Variants in EIF2AK4 observed in about 807,000 individuals in gnomAD.
EIF2AK4 encodes the protein eukaryotic translation initiation factor 2 alpha kinase 4.
A neutral mutation model predicts 211.1 loss-of-function variants in EIF2AK4; 139 were observed. The observed-to-expected ratio is 0.66, with a 90% CI of 0.57 to 0.76. EIF2AK4 has a LOEUF of 0.76. Among genes scored for constraint, EIF2AK4 ranks in the 30% least tolerant of loss-of-function variants. EIF2AK4 has a pLI of 0.00. For synonymous variants in EIF2AK4, 710 were observed against 751.3 expected (o/e 0.94, Z 0.90); for missense variants, 1,664 against 2,043.8 (o/e 0.81, Z 3.58).
At chr15:40,027,765 C>T (rs1049485791) in intron 33 of EIF2AK4, among the ~76,000 whole-genome samples, 2 of 152,018 alleles carry the variant, frequency 1.3e-5, no homozygotes, top group East Asian at 1.9e-4. Flanking sequence ...GTGGCGGGCA[C>T]CTGTAGTCCC....
chr15:39,993,030 GTCCATCCA>G lies in EIF2AK4; in HGVS notation c.2766+220_2766+227del, dbSNP rs1199022740. Among the ~76,000 whole-genome samples the G allele has an allele frequency of 3.5e-3, 520 of 146,678 alleles. 1 individual carries two copies. The highest frequency in any genetic ancestry group is 5.5e-3 in the Non-Finnish European group (369 of 66,586). On this transcript the variant is annotated intron_variant, in intron 18 of 38. Transcript: ENST00000263791. The stretch of plus-strand genomic sequence containing the variant: ...GCACTGCTGCTGCCAGGAGCTTACA[GTCCATCCA>G]TCCATCCATCCATCCATCCATCCAT...
At position 39,990,308 on chromosome 15, in the gene EIF2AK4, T is replaced by A; in HGVS notation, c.2562T>A (p.Ile854=). The A allele has an allele frequency of 6.2e-7, 1 of 1,614,230 alleles. No homozygotes were observed. The highest frequency in any genetic ancestry group is 8.5e-7 in the Non-Finnish European group (1 of 1,180,042). The part of the protein sequence containing the change: ...MIHRDLKPVN[I]FLDSDDHVKI... ...ACCGGGATTTGAAGCCTGTCAACAT[T>A]TTTTTGGATTCTGATGACCATGTGA... Residue 854 remains isoleucine, a synonymous_variant, in exon 16 of 39, where the codon ATT becomes ATA. Transcript: ENST00000263791.
In EIF2AK4 at chr15:39,949,216, C is replaced by T. The variant is rs2034270715; in HGVS notation, c.461C>T (p.Ala154Val). 1 of 1,613,924 alleles carries T rather than the reference C, an allele frequency of 6.2e-7. No homozygotes were observed. ...CATGAAGAAATGCTGGAAAGGCGGG[C>T]TCAGGAGGAGCAGCAGAGGCTGTTG... ...SFHEEMLERRAQEEQQRLLEA... is the reference protein window; with the variant it reads ...SFHEEMLERRVQEEQQRLLEA... Residue 154 changes from alanine (A) to valine (V), a missense_variant, in exon 4 of 39, where the codon GCT becomes GTT. Physicochemically the swap from Ala to Val is moderately conservative, Grantham distance 64. Transcript: ENST00000263791.
intron 3 of EIF2AK4, chr15:39,946,893 G>T: frequency 1.9e-6 from 1 of 520,074 alleles, no homozygotes; most frequent in Non-Finnish European, 3.4e-6. Context: ...TAAAATTAAG[G>T]TATATACATT....
At chr15:39,982,407 T>C (rs1486571407) in intron 13 of EIF2AK4, among the ~76,000 whole-genome samples, 2 of 151,776 alleles carry the variant, frequency 1.3e-5, no homozygotes, top group Non-Finnish European at 2.9e-5. Context: ...TGACAAGGAG[T>C]TTTTCTGTTT....
chr15:40,029,910 G>GAAGTGTTC (rs1567011177), intron 34 of EIF2AK4, among the ~76,000 whole-genome samples: 3 of 152,164 alleles, frequency 2.0e-5, no homozygotes, highest in Admixed American at 1.3e-4. Context: ...CTTTTTTAAA[G>GAAGTGTTC]AAGTGTTCCA....
intron 6 of EIF2AK4, among the ~76,000 whole-genome samples, chr15:39,959,238 G>A (rs1057345915): frequency 3.9e-5 from 6 of 152,152 alleles, no homozygotes; most frequent in African/African-American, 9.7e-5. Flanking sequence ...TACAGAAGTC[G>A]TTTTACTTAT....
Position 40,016,726 on chromosome 15 carries a change from C to T in EIF2AK4, c.3930+54C>T, listed in dbSNP as rs2035307232. On this transcript the variant is annotated intron_variant, in intron 28 of 38. Transcript: ENST00000263791. ...CAAATGTGTAGCATTACTAATAGCACAGGGAGGAAATGTGTTTCATTTCAC... is the reference window on the plus strand; with the variant it reads ...CAAATGTGTAGCATTACTAATAGCATAGGGAGGAAATGTGTTTCATTTCAC... The T allele has an allele frequency of 1.5e-5, 23 of 1,570,514 alleles. No homozygotes were observed. In the South Asian group the frequency reaches 2.2e-4, roughly 15 times the overall value.
chr15:39,974,797 TC>T (rs1337781230), intron 11 of EIF2AK4: 1 of 152,210 alleles, frequency 6.6e-6, no homozygotes, highest in Non-Finnish European at 1.5e-5. Flanking sequence ...CAGTAGTTTC[TC>T]CCTGTGAGAA....
At chr15:39,963,203 GCAGGTTCAAGA>G (rs1231187213) in intron 7 of EIF2AK4, among the ~76,000 whole-genome samples, 5 of 152,208 alleles carry the variant, frequency 3.3e-5, no homozygotes, top group African/African-American at 1.2e-4. Flanking sequence ...GAATCATTGG[GCAGGTTCAAGA>G]CATTGGTAGT....
intron 14 of EIF2AK4, among the ~76,000 whole-genome samples, chr15:39,986,862 A>AAAC (rs200885460): frequency 4.7e-5 from 7 of 148,696 alleles, no homozygotes; most frequent in South Asian, 2.2e-4. Flanking sequence ...TCTAAAAAAC[A>AAAC]AACAACAACA....
Position 40,001,132 on chromosome 15 carries a change from G to A in EIF2AK4, c.3067G>A (p.Asp1023Asn). The A allele has an allele frequency of 6.2e-7, 1 of 1,614,164 alleles. No homozygotes were observed. The highest frequency in any genetic ancestry group is 8.5e-7 in the Non-Finnish European group (1 of 1,180,020). ...EVLHHTLTNV[D>N]GKAYRTMMAQ... Reference sequence around the variant, plus strand: ...GCTGCACCACACGCTGACCAACGTGGATGGGAAGGCCTACCGCACCATGAT... The same window carrying A: ...GCTGCACCACACGCTGACCAACGTGAATGGGAAGGCCTACCGCACCATGAT... The change falls in exon 21 of 39, where the codon GAT becomes AAT. Residue 1023 changes from aspartate to asparagine, a missense_variant. Coordinates refer to ENST00000263791, the MANE Select transcript of EIF2AK4 (RefSeq NM_001013703.4).
intron 35 of EIF2AK4, among the ~76,000 whole-genome samples, chr15:40,031,579 C>T (rs952616504): frequency 5.3e-5 from 8 of 152,116 alleles, no homozygotes; most frequent in African/African-American, 7.2e-5. Flanking sequence ...TGTTTCACTG[C>T]GCTACGCCTT....
chr15:40,031,339 GCAGT>G (rs967106775), intron 35 of EIF2AK4, among the ~76,000 whole-genome samples: 11 of 152,320 alleles, frequency 7.2e-5, no homozygotes, highest in African/African-American at 2.6e-4. Flanking sequence ...TTAAAAGAGA[GCAGT>G]CAATTTTAGA....
At chr15:40,007,177 GGGTT>G in intron 24 of EIF2AK4, 112 bp downstream of exon 24, 1 of 1,009,168 alleles carries the variant, frequency 9.9e-7, no homozygotes, top group Non-Finnish European at 1.5e-6. Flanking sequence ...TAAGAATTCT[GGGTT>G]CAGAATATTG....
In EIF2AK4 at chr15:39,967,474, G is replaced by A. The variant is rs1200844189; in HGVS notation, c.1148G>A (p.Ser383Asn). 6.2e-6 allele frequency: 10 copies of A among 1,614,020 alleles called. No homozygotes were observed. Among genetic ancestry groups the A allele is most frequent in the African/African-American group, 2.7e-5 (2 of 74,892 alleles). Residue 383 changes from serine (S) to asparagine (N), a missense_variant, in exon 9 of 39, where the codon AGT (serine) becomes AAT (asparagine). By Grantham distance (46) the Ser-to-Asn change is conservative (BLOSUM62 1). Around this residue, in one of 7 missense-constraint regions of EIF2AK4, gnomAD observed 641 missense variants for 729.6 expected, o/e 0.88. Transcript: ENST00000263791. ...GTGGACATTTTAGTGGAGCACATTA[G>A]TGGGGTCTCTCTTGCTGCACACCTG... is the stretch of plus-strand genomic sequence containing the variant. ...IVVDILVEHI[S>N]GVSLAAHLSH...
intron 3 of EIF2AK4, 46 bp downstream of exon 3, chr15:39,943,531 C>T (rs1043268501): frequency 2.8e-6 from 4 of 1,451,922 alleles, no homozygotes; most frequent in East Asian, 2.3e-5. Flanking sequence ...TAAACTTCCC[C>T]ATTACACCTC....
intron 7 of EIF2AK4, among the ~76,000 whole-genome samples, chr15:39,964,541 A>G (rs138189253): frequency 0.011 from 1,707 of 152,298 alleles, 12 homozygotes; most frequent in Middle Eastern, 0.02. Flanking sequence ...ACAGCTGCCT[A>G]CAACAAAGAT....
At chr15:39,969,640 G>A (rs952879918) in intron 9 of EIF2AK4, among the ~76,000 whole-genome samples, 4 of 152,162 alleles carry the variant, frequency 2.6e-5, no homozygotes, top group African/African-American at 9.7e-5. Flanking sequence ...GATTACAGGC[G>A]TGAGCCATAG....
Sources: gnomAD v4.1 joint callset for allele counts (sites outside exome capture counted in the v4.1 genomes callset) on GRCh38, gnomAD v4.1.1 for gene constraint, gnomAD v4.1.1 regional missense constraint, MANE v1.5 for transcripts, NCBI Gene and HGNC (gene_info 2026-07-23, HGNC 2026-07-21) for gene names.